PEX5L: variants seen among roughly 807,000 people sequenced by gnomAD.
PEX5L encodes the protein PEX5-related protein.
A neutral mutation model predicts 84.0 loss-of-function variants in PEX5L; 30 were observed. That is an observed-to-expected ratio of 0.36 (90% confidence interval 0.27 to 0.48). The LOEUF is 0.48. PEX5L is among the 20% of genes least tolerant of loss of function. PEX5L has a pLI of 0.99. For synonymous variants in PEX5L, 270 were observed against 283.1 expected, an observed-to-expected ratio of 0.95 and a Z score of 0.46; for missense variants, 533 against 754.6, an observed-to-expected ratio of 0.71 and a Z score of 3.44.
At position 179,809,357 on chromosome 3, in the gene PEX5L, C is replaced by T. The variant is rs955903771; in HGVS notation, c.1352+114G>A. On this transcript the variant is annotated intron_variant, in intron 12 of 14. Coordinates refer to ENST00000467460, the MANE Select transcript of PEX5L (RefSeq NM_016559.3). ...GCTCCTCCAGCAGAATACTGTCCTG[C>T]AAACCATTCTGGAGTGGGTGGTGTC... 33 of 778,556 alleles carry T rather than the reference C, an allele frequency of 4.2e-5. 1 individual carries two copies. Among genetic ancestry groups the T allele is most frequent in the African/African-American group, 3.8e-4 (22 of 58,282 alleles). The allele number at this position is 778,556 out of a possible 1,614,324, so 48.2% of individuals were successfully genotyped here. A position where few individuals can be genotyped will look rare whatever the true frequency, so the allele number is the denominator to read the frequency against.
Position 180,036,632 on chromosome 3 carries a change from C to T in PEX5L, c.-33G>A, listed in dbSNP as rs533353121. On this transcript the variant is annotated 5_prime_UTR_variant, in exon 1 of 15. Coordinates refer to ENST00000467460, the MANE Select transcript of PEX5L (RefSeq NM_016559.3). ...CGGTTTCTTCAGGGCTCCCTGAGGC[C>T]ACCGGATGCTTTTCCCCCGTGCTTA... 43 of 1,612,704 alleles carry T rather than the reference C, an allele frequency of 2.7e-5. No homozygotes were observed. The highest frequency in any genetic ancestry group is 3.6e-5 in the Non-Finnish European group (42 of 1,178,768).
chr3:179,851,301 G>C (rs2108453941), intron 8 of PEX5L, among the ~76,000 whole-genome samples: 3 of 152,228 alleles, frequency 2.0e-5, no homozygotes, highest in Middle Eastern at 3.4e-3. Flanking sequence ...GTCTGGTGAG[G>C]GCCTGGTCTT....
chr3:179,864,775 C>T (rs1039319542), intron 7 of PEX5L, among the ~76,000 whole-genome samples: 22 of 152,008 alleles, frequency 1.4e-4, no homozygotes, highest in African/African-American at 5.3e-4. Context: ...TTCAAAACAT[C>T]ATGTTTTACA....
intron 2 of PEX5L, 69 bp from the exon 3 acceptor site, chr3:179,898,315 T>A (rs1760050449): frequency 8.9e-7 from 1 of 1,129,438 alleles, no homozygotes; most frequent in Admixed American, 1.9e-5. Flanking sequence ...TACAAGATAT[T>A]CTAATGTTTA....
chr3:179,809,006 G>A (rs1221573355), intron 12 of PEX5L, among the ~76,000 whole-genome samples: 2 of 136,802 alleles, frequency 1.5e-5, no homozygotes, highest in Non-Finnish European at 1.5e-5. Context: ...CCCGGGAGGC[G>A]GAGCTTGCAG....
intron 2 of PEX5L, among the ~76,000 whole-genome samples, chr3:179,947,948 T>C (rs1352264033): frequency 2.6e-5 from 4 of 152,044 alleles, no homozygotes; most frequent in African/African-American, 9.7e-5. Flanking sequence ...CCTCATGATC[T>C]GCCTGCCTCG....
intron 1 of PEX5L, chr3:179,973,561 A>G (rs1432051193): frequency 1.0e-6 from 1 of 972,922 alleles, no homozygotes; most frequent in African/African-American, 1.8e-5. Flanking sequence ...TTCTCTGCAT[A>G]TGGACTCTTC....
intron 7 of PEX5L, among the ~76,000 whole-genome samples, chr3:179,869,320 A>G (rs1377534607): frequency 6.6e-6 from 1 of 152,100 alleles, no homozygotes; most frequent in African/African-American, 2.4e-5. Flanking sequence ...GAGAAGGGTA[A>G]TTTTATGTTA....
chr3:179,914,006 A>G (rs1254252921), intron 2 of PEX5L, among the ~76,000 whole-genome samples: 1 of 152,198 alleles, frequency 6.6e-6, no homozygotes, highest in African/African-American at 2.4e-5. Context: ...ATTTCTCTGT[A>G]TATGATATTT....
chr3:179,970,042 CTT>C (rs1784349132), intron 2 of PEX5L, among the ~76,000 whole-genome samples: 1 of 151,900 alleles, frequency 6.6e-6, no homozygotes, highest in Non-Finnish European at 1.5e-5. Context: ...CAAAATATAA[CTT>C]TGCAGTTTTC....
At chr3:179,876,960 G>A (rs963982082) in intron 5 of PEX5L, among the ~76,000 whole-genome samples, 13 of 152,036 alleles carry the variant, frequency 8.6e-5, no homozygotes, top group African/African-American at 2.4e-4. Context: ...ATTTAAACAC[G>A]AAATTCAATT....
chr3:179,910,960 A>C (rs1320609011), intron 2 of PEX5L, among the ~76,000 whole-genome samples: 1 of 152,178 alleles, frequency 6.6e-6, no homozygotes, highest in East Asian at 1.9e-4. Flanking sequence ...CCATTTAAGC[A>C]CTTATTAAAA....
chr3:179,913,372 G>A (rs1423431716), intron 2 of PEX5L, among the ~76,000 whole-genome samples: 3 of 152,030 alleles, frequency 2.0e-5, no homozygotes, highest in Admixed American at 6.6e-5. Context: ...ACATTTTCTG[G>A]TTTTGTTTCC....
chr3:179,797,605 A>AAAATATATATATATATATATAT lies in PEX5L; in HGVS notation c.*4222_*4223insATATATATATATATATATATTT, dbSNP rs1553807980. 1.1e-5 allele frequency: 1 copy of AAAATATATATATATATATATAT among 89,172 alleles called. No individual in the cohort carries two copies. The highest frequency in any genetic ancestry group is 4.5e-5 in the African/African-American group (1 of 22,198). The allele number at this position is 89,172 out of a possible 1,614,324, so 5.5% of individuals were successfully genotyped here. ...AACACTCTTTAAAAAAAAAAAAAAA[A>AAAATATATATATATATATATAT]ATATATATATATATATATATATATA... On this transcript the variant is annotated 3_prime_UTR_variant, in exon 15 of 15. Transcript: ENST00000467460.
rs1380878708 is a variant in PEX5L, at chr3:180,036,580, T to G, written c.20A>C (p.Gln7Pro). Residue 7 changes from glutamine (Q) to proline (P), a missense_variant and splice_region_variant, in exon 1 of 15, where the codon CAG becomes CCG. Physicochemically the swap from Gln to Pro is moderately conservative, Grantham distance 76. This residue lies in a region of PEX5L where 259 missense variants were observed against 301.7 expected (regional missense o/e 0.86). Coordinates refer to ENST00000467460, the MANE Select transcript of PEX5L (RefSeq NM_016559.3). ...TCCAGCCCTATAGAAATGTCTTACC[T>G]GCATGTGTCCCTGGTACATTCTGCT... is the stretch of plus-strand genomic sequence containing the variant. MYQGHM[Q>P]KSKEQGYGKL... The G allele has an allele frequency of 6.2e-7, 1 of 1,614,052 alleles. No homozygotes were observed. The highest frequency in any genetic ancestry group is 1.7e-5 in the Admixed American group (1 of 60,028).
intron 1 of PEX5L, among the ~76,000 whole-genome samples, chr3:180,003,477 AT>A (rs1788608651): frequency 6.6e-6 from 1 of 152,164 alleles, no homozygotes; most frequent in South Asian, 2.1e-4. Flanking sequence ...CCAAATTTGT[AT>A]TAGTGATATT....
intron 8 of PEX5L, among the ~76,000 whole-genome samples, chr3:179,834,098 C>A (rs1268086971): frequency 6.6e-6 from 1 of 152,148 alleles, no homozygotes; most frequent in Non-Finnish European, 1.5e-5. Flanking sequence ...CCTTGGCTTC[C>A]CAAAGTGTTA....
chr3:179,989,245 G>T (rs1467804860), intron 1 of PEX5L, among the ~76,000 whole-genome samples: 1 of 152,178 alleles, frequency 6.6e-6, no homozygotes, highest in Non-Finnish European at 1.5e-5. Flanking sequence ...GAATTAAGAA[G>T]TATCACCACG....
At chr3:179,803,424 A>G (rs1245814387) in intron 14 of PEX5L, among the ~76,000 whole-genome samples, 1 of 152,190 alleles carries the variant, frequency 6.6e-6, no homozygotes, top group Admixed American at 6.5e-5. Flanking sequence ...AATTATTAAA[A>G]GTGTAGAGGG....
Sources: gnomAD v4.1 joint callset for allele counts (sites outside exome capture counted in the v4.1 genomes callset) on GRCh38, gnomAD v4.1.1 for gene constraint, gnomAD v4.1.1 regional missense constraint, MANE v1.5 for transcripts, NCBI Gene and HGNC (gene_info 2026-07-23, HGNC 2026-07-21) for gene names.